The following AHNAK variants were observed in gnomAD, a reference collection of about 807,000 sequenced individuals.
AHNAK encodes the protein AHNAK nucleoprotein.
In AHNAK, 23 loss-of-function variants were observed where a neutral mutation model predicts 37.8. The ratio of observed to expected loss-of-function variants is 0.61; its 90% confidence interval spans 0.44 to 0.86. AHNAK has a LOEUF of 0.86. Ranked by LOEUF, AHNAK falls within the 40% of genes least tolerant of loss-of-function variation. The probability of loss-of-function intolerance (pLI) is 0.00; values close to 1 mark genes in which losing one functional copy is unlikely to be tolerated. For synonymous variants in AHNAK, 2,481 were observed against 2,636.3 expected, an observed-to-expected ratio of 0.94 and a Z score of 1.80; for missense variants, 7,411 against 7,319.4, an observed-to-expected ratio of 1.01 and a Z score of -0.46.
At chr11:62,534,960 G>A (rs1940893820) in intron 4 of AHNAK, 43 bp downstream of exon 4, 1 of 1,581,844 alleles carries the variant, frequency 6.3e-7, no homozygotes, top group Non-Finnish European at 8.6e-7. Flanking sequence ...GGCCGGCATG[G>A]CCGGGGGAGC....
At chr11:62,491,946 C>T in intron 4 of AHNAK, 1 of 911,672 alleles carries the variant, frequency 1.1e-6, no homozygotes, top group Non-Finnish European at 1.7e-6. Flanking sequence ...TTTACCACTA[C>T]CACCCCCCAA....
rs139147083 is a variant in AHNAK, at chr11:62,524,970, C to A, written c.9447G>T (p.Lys3149Asn). The change falls in exon 5 of 5, where the codon AAG becomes AAT. Residue 3149 changes from lysine to asparagine, a missense_variant. Transcript: ENST00000378024. ...TCTTGGGCATTTTTATTTTAGGCAT[C>A]TTCAGGTGCCAGTCTGGGCCTTGAA... ...VDVQGPDWHL[K>N]MPKIKMPKIS... 3.7e-6 allele frequency: 6 copies of A among 1,612,414 alleles called. No homozygotes were observed. The highest frequency in any genetic ancestry group is 2.7e-5 in the African/African-American group (2 of 74,346).
In AHNAK at chr11:62,519,255, G is replaced by A; in HGVS notation, c.15162C>T (p.Ser5054=). ...TGACATCTACATCCGGAGCCTTGAG[G>A]CTGGCATCAATTTCACCCCCAGGAA... ...LNVPGGEIDA[S]LKAPDVDVNI... Residue 5054 remains serine, a synonymous_variant, in exon 5 of 5, where the codon AGC becomes AGT. Coordinates refer to ENST00000378024, the MANE Select transcript of AHNAK (RefSeq NM_001620.3). 1 of 1,614,106 alleles carries A rather than the reference G, an allele frequency of 6.2e-7. No homozygotes were observed. Among genetic ancestry groups the A allele is most frequent in the South Asian group, 1.1e-5 (1 of 91,072 alleles).
At position 62,526,535 on chromosome 11, in the gene AHNAK, C is replaced by T; in HGVS notation, c.7882G>A (p.Gly2628Ser). The T allele has an allele frequency of 6.2e-7, 1 of 1,612,484 alleles. No individual in the cohort carries two copies. The highest frequency in any genetic ancestry group is 1.7e-5 in the Admixed American group (1 of 59,794). The stretch of plus-strand genomic sequence containing the variant: ...AGGTGCCAGTCTGGGCCTTGAACAC[C>T]CACATCTGGGGCATTAATATCCACT... Reference protein sequence around the residue: ...PKVDINAPDVGVQGPDWHLKM... With the variant: ...PKVDINAPDVSVQGPDWHLKM... The change falls in exon 5 of 5, where the codon GGT (glycine) becomes AGT (serine). Residue 2628 changes from glycine to serine, a missense_variant. Transcript: ENST00000378024.
At position 62,522,534 on chromosome 11, in the gene AHNAK, A is replaced by C; in HGVS notation, c.11883T>G (p.Leu3961=). Residue 3961 remains leucine, a synonymous_variant, in exon 5 of 5, where the codon CTT becomes CTG. Transcript: ENST00000378024. ...EVDVNLPKAD[L]DVSGPKVDVD... is the part of the protein sequence containing the mutation. Reference sequence around the variant, plus strand: ...CGTCCACCTTGGGTCCTGAGACGTCAAGGTCAGCCTTGGGCAGGTTCACAT... The same window carrying C: ...CGTCCACCTTGGGTCCTGAGACGTCCAGGTCAGCCTTGGGCAGGTTCACAT... The C allele has an allele frequency of 1.2e-6, 2 of 1,613,690 alleles. No individual in the cohort carries two copies. Among genetic ancestry groups the C allele is most frequent in the Non-Finnish European group, 1.7e-6 (2 of 1,179,964 alleles).
At chr11:62,503,317 G>A (rs185103449) in intron 4 of AHNAK, among the ~76,000 whole-genome samples, 10 of 152,348 alleles carry the variant, frequency 6.6e-5, no homozygotes, top group South Asian at 6.2e-4. Flanking sequence ...GGCTGGGCAC[G>A]GTGGCTCACG....
At chr11:62,503,111 AG>A (rs1939741800) in intron 4 of AHNAK, among the ~76,000 whole-genome samples, 2 of 152,226 alleles carry the variant, frequency 1.3e-5, no homozygotes, top group South Asian at 4.1e-4. Flanking sequence ...AACAATCAAC[AG>A]TCCAATCCAT....
chr11:62,449,739 A>G (rs1180630134), intron 5 of AHNAK, among the ~76,000 whole-genome samples: 1 of 152,210 alleles, frequency 6.6e-6, no homozygotes, highest in Non-Finnish European at 1.5e-5. Context: ...AACTCTTCCA[A>G]TGTGGTGGTT....
chr11:62,444,362 G>C (rs1296548727), intron 5 of AHNAK, among the ~76,000 whole-genome samples: 1 of 152,212 alleles, frequency 6.6e-6, no homozygotes, highest in Non-Finnish European at 1.5e-5. Context: ...TGGGTGCCCA[G>C]CCAAGGAAGC....
chr11:62,532,621 T>C lies in AHNAK; in HGVS notation c.1796A>G (p.Lys599Arg), dbSNP rs748581665. The stretch of plus-strand genomic sequence containing the variant: ...GCCTCTGACATCAACTTCAGGGACT[T>C]TGACTTTCCCTTCTACTCTGGGGAG... ...VTLPRVEGKV[K>R]VPEVDVRGPK... The change falls in exon 5 of 5, where the codon AAA becomes AGA. Residue 599 changes from lysine to arginine, a missense_variant. Transcript: ENST00000378024. The C allele has an allele frequency of 3.1e-6, 5 of 1,614,142 alleles. No individual in the cohort carries two copies. The highest frequency in any genetic ancestry group is 4.2e-6 in the Non-Finnish European group (5 of 1,180,028).
chr11:62,435,693 T>G (rs1428236650), intron 5 of AHNAK, among the ~76,000 whole-genome samples: 5 of 152,070 alleles, frequency 3.3e-5, no homozygotes, highest in South Asian at 2.1e-4. Flanking sequence ...GATTACAGGC[T>G]TGAGCCACCG....
intron 5 of AHNAK, among the ~76,000 whole-genome samples, chr11:62,463,920 C>T (rs549144810): frequency 3.6e-5 from 5 of 140,434 alleles, no homozygotes; most frequent in Non-Finnish European, 4.9e-5. Flanking sequence ...CCCGCCACCA[C>T]GCCCGGCTAA....
intron 5 of AHNAK, among the ~76,000 whole-genome samples, chr11:62,463,896 T>A (rs1938846146): frequency 6.6e-6 from 1 of 151,624 alleles, no homozygotes; most frequent in Admixed American, 6.6e-5. Context: ...CCCAAGTAGC[T>A]GGAATTACAG....
rs1938540439 is a variant in AHNAK, at chr11:62,451,676, G to A, written c.443-17785C>T. The stretch of plus-strand genomic sequence containing the variant: ...TTGCTTGAACCAGAAGGTGGAGGTT[G>A]CACTTAGCTGAGATTGCACCATTGC... On this transcript the variant is annotated intron_variant, in intron 5 of 5. Coordinates refer to the AHNAK transcript ENST00000257247. Among the ~76,000 whole-genome samples, 5 of 142,668 alleles carry A rather than the reference G, an allele frequency of 3.5e-5. No homozygotes were observed. In the South Asian group the frequency reaches 8.9e-4, roughly 25 times the overall value. 93.6% of individuals were successfully genotyped at this position (142,668 alleles called of 152,430 possible).
Position 62,522,819 on chromosome 11 carries a change from C to A in AHNAK, c.11598G>T (p.Met3866Ile), listed in dbSNP as rs1353081971. Reference sequence around the variant, plus strand: ...TGGAGATCTTGGGGGCTTTGATGTTCATCTCAGGCATCTTGAATTTGGGAC... The same window carrying A: ...TGGAGATCTTGGGGGCTTTGATGTTAATCTCAGGCATCTTGAATTTGGGAC... Reference protein sequence around the residue: ...LKGPKFKMPEMNIKAPKISMP... With the variant: ...LKGPKFKMPEINIKAPKISMP... Residue 3866 changes from methionine (M) to isoleucine (I), a missense_variant, in exon 5 of 5, where the codon ATG (methionine) becomes ATT (isoleucine). By Grantham distance (10) the Met-to-Ile change is conservative. Transcript: ENST00000378024. 2 of 1,613,630 alleles carry A rather than the reference C, an allele frequency of 1.2e-6. No individual in the cohort carries two copies. Among genetic ancestry groups the A allele is most frequent in the African/African-American group, 2.7e-5 (2 of 74,736 alleles).
Position 62,521,709 on chromosome 11 carries a change from T to C in AHNAK, c.12708A>G (p.Pro4236=). 4 of 1,614,172 alleles carry C rather than the reference T, an allele frequency of 2.5e-6. No individual in the cohort carries two copies. The highest frequency in any genetic ancestry group is 3.4e-6 in the Non-Finnish European group (4 of 1,180,024). The change falls in exon 5 of 5, where the codon CCA becomes CCG. Residue 4236 remains proline, a synonymous_variant. Transcript: ENST00000378024. ...IDVPDVNIEG[P]DAKLKGPKFK... Reference sequence around the variant, plus strand: ...ATTTAGGGCCCTTTAGTTTCGCATCTGGACCTTCGATATTCACATCAGGAA... The same window carrying C: ...ATTTAGGGCCCTTTAGTTTCGCATCCGGACCTTCGATATTCACATCAGGAA...
At chr11:62,535,281 G>T in intron 3 of AHNAK, 91 bp from the exon 4 acceptor site, 1 of 1,213,792 alleles carries the variant, frequency 8.2e-7, no homozygotes, top group Non-Finnish European at 1.2e-6. Flanking sequence ...GAACTGACTT[G>T]AACTCATGAC....
chr11:62,450,788 C>T (rs1938520847), intron 5 of AHNAK, among the ~76,000 whole-genome samples: 2 of 152,258 alleles, frequency 1.3e-5, no homozygotes, highest in Admixed American at 1.3e-4. Flanking sequence ...ACTGGGACGC[C>T]TCTCTCGCCT....
At chr11:62,481,389 G>A (rs1939269644) in intron 5 of AHNAK, among the ~76,000 whole-genome samples, 1 of 151,740 alleles carries the variant, frequency 6.6e-6, no homozygotes, top group Non-Finnish European at 1.5e-5. Flanking sequence ...CTACAGGAGT[G>A]AGCCACTGTA....
Sources: gnomAD v4.1 joint callset for allele counts (sites outside exome capture counted in the v4.1 genomes callset) on GRCh38, gnomAD v4.1.1 for gene constraint, MANE v1.5 for transcripts, NCBI Gene and HGNC (gene_info 2026-07-23, HGNC 2026-07-21) for gene names.